Variants in POLQ observed in about 807,000 individuals in gnomAD.
POLQ encodes epididymis secretory sperm binding protein.
Under a neutral mutation model 259.2 loss-of-function variants are expected in POLQ, and 233 were observed. That is an observed-to-expected ratio of 0.90 (90% CI 0.81 to 1.00). POLQ has a LOEUF of 1.00. Among genes scored for constraint, POLQ ranks in the 50% least tolerant of loss-of-function variants. The pLI is 0.00. For missense variants in POLQ, 2,871 were observed against 3,051.6 expected (o/e 0.94, Z 1.39); for synonymous variants, 1,025 against 1,048.8 (o/e 0.98, Z 0.44).
chr3:121,488,237 T>A lies in POLQ; in HGVS notation c.4694A>T (p.Gln1565Leu), dbSNP rs1200399051. The A allele has an allele frequency of 6.2e-7, 1 of 1,613,378 alleles. No individual in the cohort carries two copies. The highest frequency in any genetic ancestry group is 2.2e-5 in the East Asian group (1 of 44,880). The change falls in exon 16 of 30, where the codon CAG becomes CTG. Residue 1565 changes from glutamine to leucine, a missense_variant. By Grantham distance (113) the Gln-to-Leu change is moderately radical (BLOSUM62 -2). Coordinates refer to ENST00000264233, the MANE Select transcript of POLQ (RefSeq NM_199420.4). ...CACATTGTCCAAAGCTTCAACCATC[T>A]GAACAGAATCCATTTCTGAAAATAT... ...SIIFSEMDSV[Q>L]MVEALDNVDI... is the part of the protein sequence containing the mutation.
At chr3:121,470,730 C>T (rs1179385658) in intron 22 of POLQ, among the ~76,000 whole-genome samples, 1 of 152,216 alleles carries the variant, frequency 6.6e-6, no homozygotes, top group East Asian at 1.9e-4. Flanking sequence ...TCTACCTCAG[C>T]CTTCCAAGTG....
Position 121,482,093 on chromosome 3 carries a change from T to C in POLQ, c.5971-281A>G, listed in dbSNP as rs371101456. Among the ~76,000 whole-genome samples, 3 of 152,290 alleles carry C rather than the reference T, an allele frequency of 2.0e-5. No individual in the cohort carries two copies. The East Asian group carries it at 5.8e-4, about 29-fold the overall frequency. ...TTTAGCAGTAGGCTTGAAAAACAAG[T>C]GTGTCTCAGCAAACTCAAACCATGT... On this transcript the variant is annotated intron_variant, in intron 18 of 29. Coordinates refer to ENST00000264233, the MANE Select transcript of POLQ (RefSeq NM_199420.4).
In POLQ at chr3:121,483,380, T is replaced by C. The variant is rs1251233314; in HGVS notation, c.5970+6A>G. 3.3e-6 allele frequency: 5 copies of C among 1,499,592 alleles called. No individual in the cohort carries two copies. Among genetic ancestry groups the C allele is most frequent in the Non-Finnish European group, 4.5e-6 (5 of 1,121,968 alleles). 92.9% of individuals were successfully genotyped at this position (1,499,592 alleles called of 1,614,324 possible). A position where few individuals can be genotyped will look rare whatever the true frequency, so the allele number is the denominator to read the frequency against. On this transcript the variant is annotated splice_donor_region_variant and intron_variant, in intron 18 of 29. Transcript: ENST00000264233. ...AAGTATATAAAAATTAAATTAGACATAGAACCTTAGGATCTTCATAACTTT... is the reference window on the plus strand; with the variant it reads ...AAGTATATAAAAATTAAATTAGACACAGAACCTTAGGATCTTCATAACTTT...
intron 9 of POLQ, among the ~76,000 whole-genome samples, chr3:121,516,076 AAG>A (rs1186809757): frequency 2.0e-5 from 3 of 152,014 alleles, no homozygotes; most frequent in South Asian, 2.1e-4. Context: ...AATCAAGCAG[AAG>A]AGAGAGAGAT....
chr3:121,470,475 G>A (rs73193615), intron 22 of POLQ, among the ~76,000 whole-genome samples: 5,510 of 152,200 alleles, frequency 0.036, 152 homozygotes, highest in Middle Eastern at 0.082. Flanking sequence ...TGGAGCCTCC[G>A]TGCTGGGTAA....
intron 19 of POLQ, among the ~76,000 whole-genome samples, chr3:121,478,399 T>C (rs2108793023): frequency 6.6e-6 from 1 of 152,130 alleles, no homozygotes; most frequent in Admixed American, 6.5e-5. Context: ...AGAAGAAATT[T>C]AGATCCCCAA....
At chr3:121,452,272 T>G (rs1045478930) in intron 25 of POLQ, among the ~76,000 whole-genome samples, 1 of 152,046 alleles carries the variant, frequency 6.6e-6, no homozygotes, top group Non-Finnish European at 1.5e-5. Flanking sequence ...CGGCTCACGC[T>G]CGGTGGGCTG....
chr3:121,520,994 G>C (rs2048332311), intron 8 of POLQ, among the ~76,000 whole-genome samples: 1 of 152,174 alleles, frequency 6.6e-6, no homozygotes, highest in Non-Finnish European at 1.5e-5. Context: ...TGGGGTTCTA[G>C]TTTTAAAATT....
chr3:121,477,846 C>T (rs1331664601), intron 19 of POLQ, among the ~76,000 whole-genome samples: 1 of 152,122 alleles, frequency 6.6e-6, no homozygotes, highest in Non-Finnish European at 1.5e-5. Context: ...CAGGGACACC[C>T]GTAACCACCA....
intron 21 of POLQ, 129 bp downstream of exon 21, chr3:121,473,221 T>C: frequency 2.4e-6 from 2 of 841,268 alleles, no homozygotes; most frequent in Non-Finnish European, 3.6e-6. Context: ...CAAACCAATG[T>C]GTTAATTTAT....
chr3:121,464,627 CTT>C (rs2047820893), intron 24 of POLQ, among the ~76,000 whole-genome samples: 1 of 145,982 alleles, frequency 6.9e-6, no homozygotes, highest in Admixed American at 6.8e-5. Flanking sequence ...AAATCTAAAA[CTT>C]TCTGAGCACT....
At chr3:121,450,755 C>T (rs1351934128) in intron 25 of POLQ, among the ~76,000 whole-genome samples, 1 of 152,090 alleles carries the variant, frequency 6.6e-6, no homozygotes, top group African/African-American at 2.4e-5. Context: ...GTGAATCTGA[C>T]AATTATGTGT....
chr3:121,452,822 CA>C (rs2047690952), intron 25 of POLQ, among the ~76,000 whole-genome samples: 2 of 152,178 alleles, frequency 1.3e-5, no homozygotes, highest in South Asian at 4.1e-4. Flanking sequence ...CACAGAAAAA[CA>C]AAAAGACAGC....
Position 121,490,475 on chromosome 3 carries a change from A to G in POLQ, c.2523-67T>C, listed in dbSNP as rs770746309. The stretch of plus-strand genomic sequence containing the variant: ...TTCGTAAGGCAAGTATTTATTAAAC[A>G]TGCAATCTGAGCTGTTACCAGGAAC... On this transcript the variant is annotated intron_variant, in intron 15 of 29. Coordinates refer to ENST00000264233, the MANE Select transcript of POLQ (RefSeq NM_199420.4). 10 of 1,286,584 alleles carry G rather than the reference A, an allele frequency of 7.8e-6. No homozygotes were observed. The African/African-American group carries it at 1.2e-4, about 15-fold the overall frequency. 79.7% of individuals were successfully genotyped at this position (1,286,584 alleles called of 1,614,324 possible).
At position 121,489,036 on chromosome 3, in the gene POLQ, T is replaced by C. The variant is rs3218632; in HGVS notation, c.3895A>G (p.Thr1299Ala). The C allele has an allele frequency of 3.2e-4, 509 of 1,613,296 alleles. 4 individuals carry two copies. In the Admixed American group the frequency reaches 8.4e-3, roughly 26 times the overall value. Reference sequence around the variant, plus strand: ...TGATTATTTTTAGTTTTGTTTGTTGTATAAGTACCTGTTTTTTCTTGTAGT... The same window carrying C: ...TGATTATTTTTAGTTTTGTTTGTTGCATAAGTACCTGTTTTTTCTTGTAGT... ...SRLQEKTGTY[T>A]TNKTKNNHVS... The change falls in exon 16 of 30, where the codon ACA becomes GCA. Residue 1299 changes from threonine (T) to alanine (A), a missense_variant. Physicochemically the swap from Thr to Ala is moderately conservative, Grantham distance 58. Coordinates refer to ENST00000264233, the MANE Select transcript of POLQ (RefSeq NM_199420.4).
intron 10 of POLQ, among the ~76,000 whole-genome samples, chr3:121,511,549 G>A (rs149863345): frequency 6.6e-6 from 1 of 152,326 alleles, no homozygotes; most frequent in East Asian, 1.9e-4. Flanking sequence ...GGAGGCCAAG[G>A]CAGGCAGATC....
At chr3:121,455,773 A>G (rs1461560095) in intron 25 of POLQ, among the ~76,000 whole-genome samples, 2 of 152,236 alleles carry the variant, frequency 1.3e-5, no homozygotes, top group African/African-American at 4.8e-5. Context: ...GTCCAGGACC[A>G]GATGGATTCA....
chr3:121,530,128 T>G (rs2048400567), intron 6 of POLQ, among the ~76,000 whole-genome samples: 2 of 152,080 alleles, frequency 1.3e-5, no homozygotes, highest in Admixed American at 1.3e-4. Context: ...AATACAGATA[T>G]CCTCAACTTA....
intron 5 of POLQ, 70 bp downstream of exon 5, chr3:121,537,030 T>G (rs187036621): frequency 1.3e-6 from 1 of 792,454 alleles, no homozygotes; most frequent in Non-Finnish European, 2.2e-6. Flanking sequence ...TAACTCATAC[T>G]TATGCATTTT....
Sources: allele counts gnomAD v4.1 joint callset (sites outside exome capture counted in the v4.1 genomes callset), GRCh38; gene constraint gnomAD v4.1.1; transcripts MANE v1.5; gene names NCBI Gene and HGNC (gene_info 2026-07-23, HGNC 2026-07-21).